The following RANBP10 variants were observed in gnomAD, a reference collection of about 807,000 sequenced individuals.
RANBP10 encodes ran-binding protein 10.
RANBP10 carries 24 observed loss-of-function variants against 72.8 expected under a neutral mutation model. The ratio of observed to expected loss-of-function variants is 0.33; its 90% CI spans 0.24 to 0.46. The LOEUF is 0.46. Among genes scored for constraint, RANBP10 ranks in the 20% least tolerant of loss-of-function variants. RANBP10 has a pLI of 1.00. For missense variants in RANBP10, 679 were observed against 817.5 expected, an observed-to-expected ratio of 0.83 and a Z score of 2.07; for synonymous variants, 310 against 322.3, an observed-to-expected ratio of 0.96 and a Z score of 0.41.
chr16:67,769,134 T>C (rs978364304), intron 3 of RANBP10, among the ~76,000 whole-genome samples: 1 of 152,178 alleles, frequency 6.6e-6, no homozygotes, highest in African/African-American at 2.4e-5. Context: ...TACAGATGAT[T>C]CCAAATTGGT....
chr16:67,764,130 G>A (rs1191114530), intron 3 of RANBP10, among the ~76,000 whole-genome samples: 1 of 152,148 alleles, frequency 6.6e-6, no homozygotes, highest in Non-Finnish European at 1.5e-5. Flanking sequence ...AGAGAAAGAG[G>A]CAGAGGCTCT....
At chr16:67,739,055 G>C (rs1702519426) in intron 4 of RANBP10, 1 of 152,170 alleles carries the variant, frequency 6.6e-6, no homozygotes, top group South Asian at 2.1e-4. Context: ...TGCTTCCCGA[G>C]TTCAAGCAAT....
intron 2 of RANBP10, among the ~76,000 whole-genome samples, chr16:67,783,607 A>T (rs2143015856): frequency 6.6e-6 from 1 of 152,284 alleles, no homozygotes; most frequent in East Asian, 1.9e-4. Context: ...GAAAGGTTAA[A>T]CCAAAGGCTC....
chr16:67,749,403 G>T (rs2054151729), intron 3 of RANBP10, among the ~76,000 whole-genome samples: 1 of 152,198 alleles, frequency 6.6e-6, no homozygotes, highest in South Asian at 2.1e-4. Context: ...CAGCCCTGCT[G>T]GTGCCTCCTG....
chr16:67,769,458 A>AAAAAAAAAAAAAAAC lies in RANBP10; in HGVS notation c.400+2575_400+2576insGTTTTTTTTTTTTTT. Among the ~76,000 whole-genome samples, 2 of 138,252 alleles carry AAAAAAAAAAAAAAAC rather than the reference A, an allele frequency of 1.4e-5. 1 individual carries two copies. The highest frequency in any genetic ancestry group is 3.1e-5 in the Non-Finnish European group (2 of 63,826). 90.7% of individuals were successfully genotyped at this position (138,252 alleles called of 152,430 possible). The stretch of plus-strand genomic sequence containing the variant: ...GACCCTGTCTCAAAAAAAAAAAAAA[A>AAAAAAAAAAAAAAAC]AAAAGTGCTGGGCGCAGTGGCTCAC... On this transcript the variant is annotated intron_variant, in intron 3 of 13. Coordinates refer to ENST00000317506, the MANE Select transcript of RANBP10 (RefSeq NM_020850.3).
chr16:67,787,938 A>G (rs1270385224), intron 2 of RANBP10, among the ~76,000 whole-genome samples: 1 of 152,008 alleles, frequency 6.6e-6, no homozygotes, highest in Non-Finnish European at 1.5e-5. Context: ...TCCTGGGCTC[A>G]AGTGATTCTC....
intron 3 of RANBP10, among the ~76,000 whole-genome samples, chr16:67,767,281 C>T (rs1310245365): frequency 6.6e-6 from 1 of 151,972 alleles, no homozygotes; most frequent in East Asian, 1.9e-4. Context: ...ATCTCAAACT[C>T]AATGGGTGAC....
Position 67,730,587 on chromosome 16 carries a change from CCT to C in RANBP10, c.890-543_890-542del, listed in dbSNP as rs2053708541. ...CATGCTGGCACCTCTGATGTTGACA[CCT>C]CTCACGCCATCAGCATCTTGCTGCT... On this transcript the variant is annotated intron_variant, in intron 7 of 13. Transcript: ENST00000317506. This position sits in a 1 kb window ranked among gnomAD's most constrained non-coding sequence, Gnocchi z 4.3. Among the ~76,000 whole-genome samples, 1 of 152,206 alleles carries C rather than the reference CCT, an allele frequency of 6.6e-6. No individual in the cohort carries two copies. Among genetic ancestry groups the C allele is most frequent in the Non-Finnish European group, 1.5e-5 (1 of 68,034 alleles).
At chr16:67,758,555 T>C (rs1357763096) in intron 3 of RANBP10, among the ~76,000 whole-genome samples, 1 of 152,178 alleles carries the variant, frequency 6.6e-6, no homozygotes, top group African/African-American at 2.4e-5. Context: ...GATCCTCTGC[T>C]GGCACTAGGA....
intron 3 of RANBP10, among the ~76,000 whole-genome samples, chr16:67,767,293 C>CA (rs2054520097): frequency 6.6e-6 from 1 of 151,836 alleles, no homozygotes; most frequent in African/African-American, 2.4e-5. Context: ...ATGGGTGACA[C>CA]AAAAACAGTT....
chr16:67,799,750 C>T (rs1007027129), intron 2 of RANBP10, among the ~76,000 whole-genome samples: 1 of 152,110 alleles, frequency 6.6e-6, no homozygotes, highest in African/African-American at 2.4e-5. Flanking sequence ...CTCCAGGCCA[C>T]CCCTGGATAT....
chr16:67,771,449 G>A (rs1241459275), intron 3 of RANBP10, among the ~76,000 whole-genome samples: 3 of 151,896 alleles, frequency 2.0e-5, no homozygotes, highest in Non-Finnish European at 2.9e-5. Context: ...GGGTTCAAGC[G>A]ATTCTCCTGC....
In RANBP10 at chr16:67,729,719, G is replaced by A. The variant is rs142221372; in HGVS notation, c.1108C>T (p.Pro370Ser). 3 of 1,614,022 alleles carry A rather than the reference G, an allele frequency of 1.9e-6. No individual in the cohort carries two copies. The highest frequency in any genetic ancestry group is 2.5e-6 in the Non-Finnish European group (3 of 1,179,970). ...DSYPGSPSLS[P>S]RHGPSSSHMH... ...TGGGAACTACTGGGGCCATGTCGGG[G>A]ACTGAGGCTGGGGGAGCCAGGGTAG... is the stretch of plus-strand genomic sequence containing the variant. The change falls in exon 9 of 14, where the codon CCC (proline) becomes TCC (serine). Residue 370 changes from proline (P) to serine (S), a missense_variant. By Grantham distance (74) the Pro-to-Ser change is moderately conservative. Transcript: ENST00000317506. This position sits in a 1 kb window ranked among gnomAD's most constrained non-coding sequence, Gnocchi z 7.1.
intron 2 of RANBP10, among the ~76,000 whole-genome samples, chr16:67,794,223 A>C (rs926357485): frequency 4.2e-4 from 64 of 152,192 alleles, no homozygotes; most frequent in African/African-American, 1.4e-3. Flanking sequence ...AGATCACCTG[A>C]GATCAGCAGT....
intron 2 of RANBP10, among the ~76,000 whole-genome samples, chr16:67,781,036 T>G (rs536387617): frequency 6.6e-6 from 1 of 152,280 alleles, no homozygotes; most frequent in Non-Finnish European, 1.5e-5. Context: ...ATGTCCCATG[T>G]GCTCTCAGAG....
At chr16:67,754,592 C>T (rs1397562816) in intron 3 of RANBP10, among the ~76,000 whole-genome samples, 1 of 152,196 alleles carries the variant, frequency 6.6e-6, no homozygotes, top group East Asian at 1.9e-4. Context: ...CACTACACTG[C>T]CGTCTTGAGA....
At chr16:67,744,217 T>C (rs1597846905) in intron 4 of RANBP10, 71 bp downstream of exon 4, 1 of 1,558,366 alleles carries the variant, frequency 6.4e-7, no homozygotes, top group East Asian at 2.3e-5. Context: ...CCTTGAGCAC[T>C]TGCCCCTGAG....
chr16:67,779,651 C>T lies in RANBP10; in HGVS notation c.348-7565G>A, dbSNP rs369183123. ...TTAGGAGCTCTTGGGTCCTTGCTAA[C>T]GTTGAGTAATTCAGTAAAAACAGGT... On this transcript the variant is annotated intron_variant, in intron 2 of 13. Transcript: ENST00000317506. Among the ~76,000 whole-genome samples the T allele has an allele frequency of 1.1e-4, 17 of 152,214 alleles. No homozygotes were observed. In the East Asian group the frequency reaches 1.9e-3, roughly 17 times the overall value.
chr16:67,776,246 G>A (rs1279082605), intron 2 of RANBP10, among the ~76,000 whole-genome samples: 1 of 151,546 alleles, frequency 6.6e-6, no homozygotes, highest in Non-Finnish European at 1.5e-5. Flanking sequence ...GATCACCTGA[G>A]GTCAGGAGGT....
Sources: allele counts gnomAD v4.1 joint callset (sites outside exome capture counted in the v4.1 genomes callset), GRCh38; gene constraint gnomAD v4.1.1; non-coding constraint Gnocchi (gnomAD v3.1); transcripts MANE v1.5; gene names NCBI Gene and HGNC (gene_info 2026-07-23, HGNC 2026-07-21).